The following NRG3 variants were observed in gnomAD, a reference collection of about 807,000 sequenced individuals.
The protein encoded by NRG3 is pro-neuregulin-3, membrane-bound isoform.
NRG3 carries 31 observed loss-of-function variants against 66.9 expected under a neutral mutation model. The ratio of observed to expected loss-of-function variants is 0.46; its 90% CI spans 0.35 to 0.63. The LOEUF is 0.63. Ranked by LOEUF, NRG3 falls within the 20% of genes least tolerant of loss-of-function variation. The pLI is 0.00. For synonymous variants in NRG3, 393 were observed against 359.4 expected (o/e 1.09, Z -1.06); for missense variants, 910 against 878.9 (o/e 1.04, Z -0.45).
intron 1 of NRG3, among the ~76,000 whole-genome samples, chr10:82,152,565 T>G (rs1368935726): frequency 6.6e-6 from 1 of 152,096 alleles, no homozygotes; most frequent in Non-Finnish European, 1.5e-5. Flanking sequence ...ATCAAGAGAC[T>G]GGGACTGAAG....
chr10:82,095,245 T>G (rs908265991), intron 1 of NRG3, among the ~76,000 whole-genome samples: 12 of 152,080 alleles, frequency 7.9e-5, no homozygotes, highest in Admixed American at 2.6e-4. Context: ...GCCCTGGACT[T>G]CATGTTTCTG....
intron 2 of NRG3, among the ~76,000 whole-genome samples, chr10:82,694,168 G>T (rs189412528): frequency 4.1e-4 from 63 of 152,242 alleles, no homozygotes; most frequent in Non-Finnish European, 4.7e-4. Context: ...GCGCTGGTTG[G>T]TGCGTTTTTA....
chr10:81,993,005 A>G (rs1290460030), intron 1 of NRG3, among the ~76,000 whole-genome samples: 7 of 152,188 alleles, frequency 4.6e-5, no homozygotes, highest in African/African-American at 1.7e-4. Flanking sequence ...AGATATTTCT[A>G]GTCTGAGAAC....
chr10:82,226,328 A>G (rs1209791782), intron 1 of NRG3, among the ~76,000 whole-genome samples: 1 of 152,134 alleles, frequency 6.6e-6, no homozygotes, highest in Non-Finnish European at 1.5e-5. Flanking sequence ...GATCATGTGT[A>G]GGACTCCTTA....
chr10:82,821,081 A>C (rs1214597739), intron 3 of NRG3, among the ~76,000 whole-genome samples: 1 of 152,114 alleles, frequency 6.6e-6, no homozygotes, highest in Non-Finnish European at 1.5e-5. Context: ...TTTACTTCTT[A>C]TTTCTTTTCT....
chr10:82,494,399 T>G (rs1843428402), intron 2 of NRG3, among the ~76,000 whole-genome samples: 1 of 152,142 alleles, frequency 6.6e-6, no homozygotes, highest in South Asian at 2.1e-4. Flanking sequence ...TATTATGAGA[T>G]TTTGAAATAA....
At chr10:82,160,958 G>A (rs12357753) in intron 1 of NRG3, among the ~76,000 whole-genome samples, 15,721 of 151,958 alleles carry the variant, frequency 0.1, 1,030 homozygotes, top group East Asian at 0.25. Context: ...TGGAGCCCTG[G>A]GGGTATGGAA....
At chr10:82,271,975 A>T (rs2078619935) in intron 1 of NRG3, among the ~76,000 whole-genome samples, 1 of 152,110 alleles carries the variant, frequency 6.6e-6, no homozygotes, top group South Asian at 2.1e-4. Flanking sequence ...TCAGAGACAT[A>T]ACTGTGTACA....
chr10:82,149,193 G>A (rs1357821197), intron 1 of NRG3, among the ~76,000 whole-genome samples: 1 of 152,046 alleles, frequency 6.6e-6, no homozygotes, highest in African/African-American at 2.4e-5. Flanking sequence ...TTAAAATGCA[G>A]CTTGAACCTG....
At chr10:82,531,653 A>T (rs991906246) in intron 2 of NRG3, among the ~76,000 whole-genome samples, 1 of 151,882 alleles carries the variant, frequency 6.6e-6, no homozygotes, top group Non-Finnish European at 1.5e-5. Context: ...CATCTGTGAT[A>T]ATAATGACAG....
intron 2 of NRG3, among the ~76,000 whole-genome samples, chr10:82,660,196 CAAAAAAAAAAAAAAAAAAAAAAAAAA>C (rs58870828): frequency 2.0e-4 from 4 of 19,568 alleles, no homozygotes; most frequent in Admixed American, 2.3e-3. Flanking sequence ...AACTCCCTCT[CAAAAAAAAAAAAAAAAAAAAAAAAAA>C]AAAAAAAAAA....
In NRG3 at chr10:82,633,000, G is replaced by C. The variant is rs531730233; in HGVS notation, c.954-105577G>C. Among the ~76,000 whole-genome samples, 3 of 152,122 alleles carry C rather than the reference G, an allele frequency of 2.0e-5. No individual in the cohort carries two copies. The South Asian group carries it at 6.2e-4, about 32-fold the overall frequency. On this transcript the variant is annotated intron_variant, in intron 2 of 8. Transcript: ENST00000372141. ...CTCATTGATATCATCAAGTTCTCAG[G>C]CTTGTTTGACCTTTTCACTCTGCCA...
At chr10:82,648,307 A>G (rs1380176629) in intron 2 of NRG3, among the ~76,000 whole-genome samples, 5 of 151,580 alleles carry the variant, frequency 3.3e-5, no homozygotes, top group Non-Finnish European at 4.4e-5. Context: ...CAAAGATCAG[A>G]TAGTTGTAGA....
intron 1 of NRG3, among the ~76,000 whole-genome samples, chr10:82,022,102 A>G (rs183184576): frequency 3.3e-5 from 5 of 152,098 alleles, no homozygotes; most frequent in Admixed American, 2.6e-4. Context: ...TTGAGCACAT[A>G]CTATGTGTGG....
intron 2 of NRG3, among the ~76,000 whole-genome samples, chr10:82,642,178 T>C (rs959331319): frequency 4.9e-4 from 75 of 152,178 alleles, no homozygotes; most frequent in Admixed American, 3.3e-4. Context: ...GACATGATTT[T>C]ATCTATTTGC....
intron 1 of NRG3, among the ~76,000 whole-genome samples, chr10:82,353,833 A>G (rs2083589504): frequency 6.6e-6 from 1 of 151,608 alleles, no homozygotes. Context: ...TTTTTGGAAA[A>G]TCCTTTCCAA....
chr10:82,876,268 T>C (rs1233876179), intron 4 of NRG3, among the ~76,000 whole-genome samples: 1 of 151,776 alleles, frequency 6.6e-6, no homozygotes, highest in African/African-American at 2.4e-5. Context: ...TGTGAATATA[T>C]GGACTTTAGC....
intron 2 of NRG3, among the ~76,000 whole-genome samples, chr10:82,434,490 A>G (rs1353812265): frequency 6.6e-6 from 1 of 152,216 alleles, no homozygotes; most frequent in Non-Finnish European, 1.5e-5. Context: ...ACTATGTTGA[A>G]TAGGAGTGGT....
At chr10:82,206,689 T>C (rs968104665) in intron 1 of NRG3, among the ~76,000 whole-genome samples, 7 of 152,218 alleles carry the variant, frequency 4.6e-5, no homozygotes, top group African/African-American at 1.4e-4. Context: ...TGTATACCTG[T>C]ATCTTGTAGC....
Sources: gnomAD v4.1 joint callset for allele counts (sites outside exome capture counted in the v4.1 genomes callset) on GRCh38, gnomAD v4.1.1 for gene constraint, MANE v1.5 for transcripts, NCBI Gene and HGNC (gene_info 2026-07-23, HGNC 2026-07-21) for gene names.